The following BCL2L1 variants were observed in gnomAD, a reference collection of about 807,000 sequenced individuals.
BCL2L1 encodes BCL2 like 1.
BCL2L1 carries 1 observed loss-of-function variant against 18.7 expected under a neutral mutation model. That is an observed-to-expected ratio of 0.05 (90% CI 0.02 to 0.25). The LOEUF (loss-of-function observed/expected upper bound fraction) is 0.25. BCL2L1 is among the 10% of genes least tolerant of loss of function. BCL2L1 has a pLI of 1.00. For synonymous variants in BCL2L1, 103 were observed against 122.7 expected, an observed-to-expected ratio of 0.84 and a Z score of 1.06; for missense variants, 207 against 304.9, an observed-to-expected ratio of 0.68 and a Z score of 2.39.
At chr20:31,723,408 T>A (rs2061668117), upstream of BCL2L1, 1 of 985,480 alleles carries the variant, frequency 1.0e-6, no homozygotes, top group Admixed American at 6.1e-5. Context: ...CACGTTTTCC[T>A]GGGGACAGGC....
At chr20:31,719,409 G>T (rs943380565) in intron 2 of BCL2L1, among the ~76,000 whole-genome samples, 3 of 152,168 alleles carry the variant, frequency 2.0e-5, no homozygotes, top group Non-Finnish European at 4.4e-5. Context: ...TAGCCAGTCG[G>T]TGCAGCTTGG....
At chr20:31,669,129 C>A (rs562095308) in intron 2 of BCL2L1, among the ~76,000 whole-genome samples, 31 of 152,262 alleles carry the variant, frequency 2.0e-4, no homozygotes, top group African/African-American at 7.0e-4. Context: ...AATCATGGCT[C>A]ACTGCAGCCT....
At chr20:31,673,255 G>A (rs1263113840) in intron 2 of BCL2L1, among the ~76,000 whole-genome samples, 1 of 151,758 alleles carries the variant, frequency 6.6e-6, no homozygotes, top group East Asian at 1.9e-4. Flanking sequence ...TGTAATTTTA[G>A]TAGAGGTGGG....
chr20:31,689,840 A>C (rs1051107772), intron 2 of BCL2L1, among the ~76,000 whole-genome samples: 2 of 152,282 alleles, frequency 1.3e-5, no homozygotes, highest in Middle Eastern at 3.4e-3. Context: ...ACATGGAGAA[A>C]TCCTGTCTCT....
chr20:31,715,445 C>T (rs536143378), intron 2 of BCL2L1, among the ~76,000 whole-genome samples: 1 of 152,152 alleles, frequency 6.6e-6, no homozygotes, highest in East Asian at 1.9e-4. Flanking sequence ...CCACATTGAC[C>T]TTCTTGCTCA....
At chr20:31,678,061 TAAGGA>T (rs1190540247) in intron 2 of BCL2L1, among the ~76,000 whole-genome samples, 4 of 152,132 alleles carry the variant, frequency 2.6e-5, no homozygotes, top group Admixed American at 6.5e-5. Context: ...TCTCTCAGGA[TAAGGA>T]AAGGGGACAG....
chr20:31,720,352 T>C (rs943106113), intron 2 of BCL2L1, among the ~76,000 whole-genome samples: 1 of 152,220 alleles, frequency 6.6e-6, no homozygotes, highest in Non-Finnish European at 1.5e-5. Flanking sequence ...ATGGTGCATG[T>C]CCCCTTCCAC....
At chr20:31,680,156 C>T (rs527584280) in intron 2 of BCL2L1, among the ~76,000 whole-genome samples, 20 of 152,310 alleles carry the variant, frequency 1.3e-4, no homozygotes, top group African/African-American at 4.6e-4. Flanking sequence ...AATGAGGAAA[C>T]TAAAATTCAG....
In BCL2L1 at chr20:31,665,683, T is replaced by C. The variant is rs2060575736; in HGVS notation, c.*266A>G. On this transcript the variant is annotated 3_prime_UTR_variant, in exon 3 of 3. Transcript: ENST00000307677. ...CCCTCCTGCCCCCAGCCACAAACCC[T>C]TCCATACCTGCCAGCCTCCTTTGGA... The C allele has an allele frequency of 5.7e-6, 3 of 527,646 alleles. No individual in the cohort carries two copies. Among genetic ancestry groups the C allele is most frequent in the African/African-American group, 1.9e-5 (1 of 52,078 alleles). 32.7% of individuals were successfully genotyped at this position (527,646 alleles called of 1,614,324 possible). A position where few individuals can be genotyped will look rare whatever the true frequency, so the allele number is the denominator to read the frequency against.
chr20:31,677,551 G>A (rs1600778562), intron 2 of BCL2L1, among the ~76,000 whole-genome samples: 1 of 152,262 alleles, frequency 6.6e-6, no homozygotes, highest in South Asian at 2.1e-4. Flanking sequence ...TCTTAGAATT[G>A]TGCATGGCAC....
intron 2 of BCL2L1, among the ~76,000 whole-genome samples, chr20:31,694,424 G>A (rs1302923564): frequency 6.6e-6 from 1 of 152,074 alleles, no homozygotes; most frequent in Non-Finnish European, 1.5e-5. Flanking sequence ...GGTTTCTTGG[G>A]AAGGGCTCAT....
chr20:31,698,357 C>T (rs560956020), intron 2 of BCL2L1, among the ~76,000 whole-genome samples: 5 of 152,286 alleles, frequency 3.3e-5, no homozygotes, highest in South Asian at 2.1e-4. Context: ...ATCCTCCCAC[C>T]TTAGCCTCCT....
chr20:31,690,532 AG>A (rs1419176133), intron 2 of BCL2L1, among the ~76,000 whole-genome samples: 1 of 151,922 alleles, frequency 6.6e-6, no homozygotes, highest in East Asian at 1.9e-4. Flanking sequence ...CTCTCACTCC[AG>A]TAGTATTTTG....
intron 2 of BCL2L1, 33 bp from the exon 3 acceptor site, chr20:31,666,119 G>T (rs1223173796): frequency 2.5e-6 from 4 of 1,612,446 alleles, no homozygotes; most frequent in Non-Finnish European, 3.4e-6. Flanking sequence ...TGCAGTTTTA[G>T]TCCTCAGAGA....
chr20:31,713,240 T>A, intron 2 of BCL2L1: 1 of 979,000 alleles, frequency 1.0e-6, no homozygotes, highest in South Asian at 4.7e-5. Context: ...GGGTAGGGGG[T>A]AATGGCCTGG....
intron 2 of BCL2L1, among the ~76,000 whole-genome samples, chr20:31,681,589 C>G (rs940703444): frequency 6.6e-6 from 1 of 152,202 alleles, no homozygotes; most frequent in Non-Finnish European, 1.5e-5. Context: ...TGCAGTGAGC[C>G]ATGACTGCGC....
chr20:31,697,892 G>GTTTTTTTTTTTTTTTTTTTT (rs199575410), intron 2 of BCL2L1, among the ~76,000 whole-genome samples: 11 of 129,644 alleles, frequency 8.5e-5, no homozygotes, highest in African/African-American at 3.0e-4. Flanking sequence ...TGCTGTTGCT[G>GTTTTTTTTTTTTTTTTTTTT]TTTTTTTTTT....
chr20:31,686,803 CA>C (rs1239834953), intron 2 of BCL2L1, among the ~76,000 whole-genome samples: 25 of 152,064 alleles, frequency 1.6e-4, no homozygotes, highest in African/African-American at 5.8e-4. Flanking sequence ...GAAAGGGCCT[CA>C]AGCAATAAGA....
intron 2 of BCL2L1, among the ~76,000 whole-genome samples, chr20:31,677,609 C>A (rs1006588113): frequency 1.3e-5 from 2 of 152,176 alleles, no homozygotes; most frequent in Non-Finnish European, 2.9e-5. Context: ...TACTAGTAGA[C>A]CATGGCTCAG....
Sources: gnomAD v4.1 joint callset for allele counts (sites outside exome capture counted in the v4.1 genomes callset) on GRCh38, gnomAD v4.1.1 for gene constraint, MANE v1.5 for transcripts, NCBI Gene and HGNC (gene_info 2026-07-23, HGNC 2026-07-21) for gene names.